The following RBFOX2 variants were observed in gnomAD, a reference collection of about 807,000 sequenced individuals.
RBFOX2 encodes RNA binding fox-1 homolog 2, also known as RNA binding protein fox-1 homolog 2.
Under a neutral mutation model 49.1 loss-of-function variants are expected in RBFOX2, and 10 were observed. That is an observed-to-expected ratio of 0.20 (90% CI 0.13 to 0.35). The LOEUF is 0.35. Ranked by LOEUF, RBFOX2 falls within the 10% of genes least tolerant of loss-of-function variation. The pLI, the probability that RBFOX2 is intolerant of heterozygous loss-of-function variation, is 1.00. For missense variants in RBFOX2, 323 were observed against 486.9 expected (o/e 0.66, Z 3.17); for synonymous variants, 183 against 187.4 (o/e 0.98, Z 0.19).
chr22:35,877,819 A>G (rs1035420652), intron 1 of RBFOX2, among the ~76,000 whole-genome samples: 1 of 152,100 alleles, frequency 6.6e-6, no homozygotes, highest in African/African-American at 2.4e-5. Flanking sequence ...CTAGAGTTCT[A>G]CCACTATAAA....
exon 12 of RBFOX2, chr22:35,740,099 A>G (rs1929117337): frequency 6.6e-6 from 1 of 152,604 alleles, no homozygotes; most frequent in Non-Finnish European, 1.5e-5. Context: ...AACTTGCTGC[A>G]GTCTGGTCTG....
intron 1 of RBFOX2, among the ~76,000 whole-genome samples, chr22:35,968,993 G>C (rs991269325): frequency 2.0e-5 from 3 of 152,098 alleles, no homozygotes; most frequent in Non-Finnish European, 4.4e-5. Context: ...AAGATTTCAA[G>C]GTACGGCCTG....
At chr22:35,902,198 CCCTA>C (rs1197323285) in intron 1 of RBFOX2, among the ~76,000 whole-genome samples, 4 of 152,198 alleles carry the variant, frequency 2.6e-5, no homozygotes, top group African/African-American at 9.7e-5. Flanking sequence ...GGTATCCCCT[CCCTA>C]CAATTTTTGA....
chr22:35,773,056 A>C (rs1943083323), intron 4 of RBFOX2, among the ~76,000 whole-genome samples: 1 of 151,414 alleles, frequency 6.6e-6, no homozygotes, highest in Non-Finnish European at 1.5e-5. Context: ...AAGAAAAAAA[A>C]AAAACAAACT....
intron 1 of RBFOX2, among the ~76,000 whole-genome samples, chr22:35,951,488 G>A (rs1215569116): frequency 2.0e-5 from 3 of 151,894 alleles, no homozygotes; most frequent in Non-Finnish European, 4.4e-5. Flanking sequence ...CAGGTGATCC[G>A]CCTGCCTTGG....
At chr22:35,847,758 A>G (rs1034884166) in intron 1 of RBFOX2, among the ~76,000 whole-genome samples, 13 of 152,244 alleles carry the variant, frequency 8.5e-5, no homozygotes, top group African/African-American at 3.1e-4. Flanking sequence ...TTAATTTCAG[A>G]TAGAATAAAC....
At chr22:36,013,862 GA>G (rs1025325860) in intron 1 of RBFOX2, among the ~76,000 whole-genome samples, 3 of 152,054 alleles carry the variant, frequency 2.0e-5, no homozygotes, top group African/African-American at 7.2e-5. Flanking sequence ...GGACACATAG[GA>G]AGCAGAAATG....
At chr22:35,969,247 C>T (rs2056739467) in intron 1 of RBFOX2, among the ~76,000 whole-genome samples, 1 of 152,044 alleles carries the variant, frequency 6.6e-6, no homozygotes, top group Admixed American at 6.6e-5. Context: ...TACAATTACC[C>T]CCAATAAAAA....
chr22:36,000,535 G>C (rs2058372341), intron 1 of RBFOX2: 1 of 151,596 alleles, frequency 6.6e-6, no homozygotes, highest in East Asian at 1.9e-4. Flanking sequence ...TATTACACTT[G>C]ACTTTATTCT....
chr22:35,777,930 T>C, intron 4 of RBFOX2, 95 bp downstream of exon 5: 4 of 1,292,200 alleles, frequency 3.1e-6, no homozygotes, highest in Non-Finnish European at 3.3e-6. Flanking sequence ...TTATGCAGGC[T>C]TGAAAACAGC....
intron 9 of RBFOX2, among the ~76,000 whole-genome samples, chr22:35,750,099 C>A (rs1934341426): frequency 6.6e-6 from 1 of 152,082 alleles, no homozygotes; most frequent in Non-Finnish European, 1.5e-5. Context: ...ACGACTGGCC[C>A]CTCCCCAGCC....
intron 1 of RBFOX2, among the ~76,000 whole-genome samples, chr22:35,877,537 T>A (rs564179251): frequency 1.3e-5 from 2 of 152,286 alleles, no homozygotes; most frequent in South Asian, 4.2e-4. Flanking sequence ...GTAACAATCA[T>A]AACTAACATA....
chr22:35,880,253 G>C (rs1176453843), intron 1 of RBFOX2, among the ~76,000 whole-genome samples: 5 of 152,168 alleles, frequency 3.3e-5, no homozygotes, highest in African/African-American at 1.2e-4. Context: ...CAGTGAGGGA[G>C]AAAGAGGAGT....
rs374346895 is a variant in RBFOX2 at position 35,803,147 on chromosome 22, A to AACACAC, written c.252+6627_252+6632dup. ...GTTTAAGTATGGGCAAATTACTTAA[A>AACACAC]ACACACACACACACACACACACACA... On this transcript the variant is annotated intron_variant, in intron 2 of 11. Coordinates refer to ENST00000405409, the Ensembl canonical transcript of RBFOX2. Among the ~76,000 whole-genome samples the AACACAC allele has an allele frequency of 6.5e-3, 950 of 145,820 alleles. 5 individuals carry two copies. The highest frequency in any genetic ancestry group is 0.018 in the African/African-American group (734 of 39,698).
At chr22:35,837,526 C>T (rs1279870590) in intron 1 of RBFOX2, among the ~76,000 whole-genome samples, 2 of 152,064 alleles carry the variant, frequency 1.3e-5, no homozygotes, top group Non-Finnish European at 2.9e-5. Context: ...CACACACACA[C>T]GCAGGCACAA....
At chr22:35,974,281 G>A (rs1184383321) in intron 1 of RBFOX2, among the ~76,000 whole-genome samples, 3 of 152,188 alleles carry the variant, frequency 2.0e-5, no homozygotes, top group African/African-American at 7.2e-5. Flanking sequence ...GAGAGAAAAG[G>A]AGTTTTTAGA....
Position 35,759,997 on chromosome 22 carries a change from C to G in RBFOX2, c.778G>C (p.Ala260Pro). ...CTGAAAGCGGCTGCCGTGGTGGCTGCAGTAGGGTAAGGGAAGCCAGGAACT... is the reference window on the plus strand; with the variant it reads ...CTGAAAGCGGCTGCCGTGGTGGCTGGAGTAGGGTAAGGGAAGCCAGGAACT... The change falls in exon 9 of 12, where the codon GCA becomes CCA. Residue 260 changes from alanine to proline, a missense_variant. By Grantham distance (27) the Ala-to-Pro change is conservative. This residue lies in a region of RBFOX2 where 200 missense variants were observed against 370.0 expected (regional missense o/e 0.54). Coordinates refer to ENST00000405409, the Ensembl canonical transcript of RBFOX2. The surrounding 1 kb of genome is among the most constrained non-coding windows in gnomAD (Gnocchi z 4.6). 6.2e-7 allele frequency: 1 copy of G among 1,613,772 alleles called. No individual in the cohort carries two copies. The highest frequency in any genetic ancestry group is 8.5e-7 in the Non-Finnish European group (1 of 1,180,020).
intron 2 of RBFOX2, among the ~76,000 whole-genome samples, chr22:35,806,552 A>G (rs1204550783): frequency 6.6e-6 from 1 of 152,214 alleles, no homozygotes; most frequent in Non-Finnish European, 1.5e-5. Context: ...AGAAAATACA[A>G]GAAACACCAG....
rs548041546 is a variant in RBFOX2, at chr22:35,895,494, C to T, written c.-34+43353G>A. ...GTGTGCTTGACACCACTATTCTTTA[C>T]GTCATTTCACCACTAATAATTCTTA... On this transcript the variant is annotated intron_variant, in intron 1 of 13. Transcript: ENST00000359369. Among the ~76,000 whole-genome samples, 147 of 152,276 alleles carry T rather than the reference C, an allele frequency of 9.7e-4. 2 individuals carry two copies. Among genetic ancestry groups the T allele is most frequent in the African/African-American group, 3.5e-3 (146 of 41,558 alleles).
Sources: allele counts gnomAD v4.1 joint callset (sites outside exome capture counted in the v4.1 genomes callset), GRCh38; gene constraint gnomAD v4.1.1; regional missense constraint gnomAD v4.1.1; non-coding constraint Gnocchi (gnomAD v3.1); transcripts MANE v1.5; gene names NCBI Gene and HGNC (gene_info 2026-07-23, HGNC 2026-07-21).